Variants in NAALADL2 observed in about 807,000 individuals in gnomAD.
The protein encoded by NAALADL2 is inactive N-acetylated-alpha-linked acidic dipeptidase-like protein 2.
NAALADL2 carries 76 observed loss-of-function variants against 87.2 expected under a neutral mutation model. That is an observed-to-expected ratio of 0.87 (90% CI 0.72 to 1.05). The LOEUF (loss-of-function observed/expected upper bound fraction) is 1.05, where lower values mean the gene tolerates loss of function less well. Ranked by LOEUF, NAALADL2 falls within the 50% of genes least tolerant of loss-of-function variation. The pLI is 0.00. For synonymous variants in NAALADL2, 354 were observed against 331.0 expected (o/e 1.07, Z -0.75); for missense variants, 1,089 against 945.8 (o/e 1.15, Z -1.99).
At chr3:175,269,597 A>T (rs997170775) in intron 4 of NAALADL2, among the ~76,000 whole-genome samples, 8 of 152,192 alleles carry the variant, frequency 5.3e-5, no homozygotes, top group Non-Finnish European at 1.2e-4. Context: ...TTACTTTCAG[A>T]TACACACTCT....
chr3:175,460,916 G>C (rs554954365), intron 6 of NAALADL2, among the ~76,000 whole-genome samples: 54 of 152,310 alleles, frequency 3.5e-4, no homozygotes, highest in Non-Finnish European at 6.2e-4. Context: ...GACCCAAGCA[G>C]GTTGCTGCTC....
rs533557493 is a variant in NAALADL2, at chr3:175,317,684, C to CA, written c.940-6484dup. On this transcript the variant is annotated intron_variant, in intron 4 of 13. Transcript: ENST00000454872. ...ATAGTTTTTCACAACAAGTAATTCT[C>CA]AAAAAAATATGTAAATAGCCCAAAT... is the stretch of plus-strand genomic sequence containing the variant. Among the ~76,000 whole-genome samples, 35 of 152,016 alleles carry CA rather than the reference C, an allele frequency of 2.3e-4. 1 individual carries two copies. The highest frequency in any genetic ancestry group is 7.7e-4 in the African/African-American group (32 of 41,480).
At chr3:174,451,199 T>C (rs1396874292) in intron 1 of NAALADL2, among the ~76,000 whole-genome samples, 2 of 152,210 alleles carry the variant, frequency 1.3e-5, no homozygotes, top group East Asian at 3.8e-4. Context: ...GATATGTCTG[T>C]GGATCCTGTA....
chr3:174,851,279 GAAAC>G (rs990316624), intron 3 of NAALADL2, among the ~76,000 whole-genome samples: 9 of 146,628 alleles, frequency 6.1e-5, no homozygotes, highest in Middle Eastern at 3.6e-3. Context: ...AAATGGGATT[GAAAC>G]AAACAAAGAC....
At chr3:175,495,057 T>C (rs1728614525) in intron 9 of NAALADL2, among the ~76,000 whole-genome samples, 1 of 148,296 alleles carries the variant, frequency 6.7e-6, no homozygotes, top group African/African-American at 2.5e-5. Context: ...TTTTGGACCA[T>C]CTGTATAAGC....
At chr3:175,294,355 G>A (rs1756042130) in intron 4 of NAALADL2, among the ~76,000 whole-genome samples, 1 of 144,936 alleles carries the variant, frequency 6.9e-6, no homozygotes. Context: ...ATTCACCACT[G>A]TGTATAGAAA....
intron 5 of NAALADL2, among the ~76,000 whole-genome samples, chr3:175,431,688 T>A (rs1367647997): frequency 6.6e-6 from 1 of 152,006 alleles, no homozygotes; most frequent in East Asian, 1.9e-4. Flanking sequence ...TGCAGAAGTG[T>A]TCTGTGTGAA....
intron 3 of NAALADL2, among the ~76,000 whole-genome samples, chr3:174,801,966 C>G (rs758560983): frequency 6.6e-6 from 1 of 151,906 alleles, no homozygotes; most frequent in East Asian, 1.9e-4. Context: ...AAACTCATAC[C>G]TTTGATACAA....
chr3:174,687,884 A>G (rs1170425967), intron 2 of NAALADL2, among the ~76,000 whole-genome samples: 2 of 151,998 alleles, frequency 1.3e-5, no homozygotes, highest in Non-Finnish European at 2.9e-5. Context: ...CCCCTGCACA[A>G]GCTCTCTTGC....
At chr3:174,758,657 T>TG (rs1712467028) in intron 3 of NAALADL2, among the ~76,000 whole-genome samples, 4 of 152,168 alleles carry the variant, frequency 2.6e-5, no homozygotes, top group African/African-American at 2.4e-5. Flanking sequence ...CAATCGACTG[T>TG]GGGGTAGCAG....
intron 2 of NAALADL2, among the ~76,000 whole-genome samples, chr3:175,118,443 C>T (rs778680943): frequency 2.0e-5 from 3 of 151,058 alleles, no homozygotes; most frequent in Non-Finnish European, 4.4e-5. Context: ...TAAAATAAAA[C>T]TGGCCTTGGG....
At chr3:175,384,895 A>G (rs1258626710) in intron 5 of NAALADL2, among the ~76,000 whole-genome samples, 1 of 151,940 alleles carries the variant, frequency 6.6e-6, no homozygotes. Flanking sequence ...GAAAGTAGAG[A>G]ATGCAGTGTT....
At chr3:174,590,406 AT>A (rs912404007) in intron 2 of NAALADL2, among the ~76,000 whole-genome samples, 6 of 151,906 alleles carry the variant, frequency 3.9e-5, no homozygotes, top group African/African-American at 1.2e-4. Context: ...GCTTGCATGG[AT>A]TTTTTTTGAC....
At chr3:175,383,590 C>CTGTTTTGTTTTGTTTTGTTT (rs1019067242) in intron 5 of NAALADL2, among the ~76,000 whole-genome samples, 2 of 151,876 alleles carry the variant, frequency 1.3e-5, no homozygotes, top group African/African-American at 4.8e-5. Context: ...ATATATAAAT[C>CTGTTTTGTTTTGTTTTGTTT]TGTTTTGTTT....
chr3:175,656,586 G>A (rs1320202132), intron 11 of NAALADL2, among the ~76,000 whole-genome samples: 1 of 151,544 alleles, frequency 6.6e-6, no homozygotes, highest in Non-Finnish European at 1.5e-5. Context: ...ACTACATTTA[G>A]AAAGTATTTT....
chr3:174,736,047 C>T (rs2108995956), intron 2 of NAALADL2, among the ~76,000 whole-genome samples: 1 of 152,224 alleles, frequency 6.6e-6, no homozygotes, highest in Non-Finnish European at 1.5e-5. Context: ...GAGGCTGCAG[C>T]TGGTCCAGGT....
rs1415018728 is a variant in NAALADL2, at chr3:174,921,414, C to G, written c.43+61964C>G. On this transcript the variant is annotated intron_variant, in intron 1 of 13. Coordinates refer to ENST00000454872, the MANE Select transcript of NAALADL2 (RefSeq NM_207015.3). ...ATGTAATCTTTTGCAAATTCTACTT[C>G]TAAAAGCATTTAAAGTAACCAGACA... Among the ~76,000 whole-genome samples, 9 of 151,958 alleles carry G rather than the reference C, an allele frequency of 5.9e-5. 1 individual carries two copies. The highest frequency in any genetic ancestry group is 5.9e-4 in the Admixed American group (9 of 15,250).
At chr3:174,882,734 T>G (rs1729497436) in intron 1 of NAALADL2, among the ~76,000 whole-genome samples, 2 of 145,782 alleles carry the variant, frequency 1.4e-5, no homozygotes, top group Non-Finnish European at 3.0e-5. Context: ...TATATGTGTA[T>G]CTATGTGTAT....
At chr3:175,107,553 C>A (rs1419624445) in intron 2 of NAALADL2, among the ~76,000 whole-genome samples, 10 of 151,108 alleles carry the variant, frequency 6.6e-5, no homozygotes, top group African/African-American at 2.4e-4. Flanking sequence ...CACACACATC[C>A]TATACGTTCT....
Sources: gnomAD v4.1 joint callset for allele counts (sites outside exome capture counted in the v4.1 genomes callset) on GRCh38, gnomAD v4.1.1 for gene constraint, MANE v1.5 for transcripts, NCBI Gene and HGNC (gene_info 2026-07-23, HGNC 2026-07-21) for gene names.